Variants in ARHGAP33 observed in about 807,000 individuals in gnomAD.
The protein encoded by ARHGAP33 is Rho GTPase activating protein 33.
ARHGAP33 carries 57 observed loss-of-function variants against 126.2 expected under a neutral mutation model. That is an observed-to-expected ratio of 0.45 (90% CI 0.36 to 0.56). The LOEUF is 0.56. Among genes scored for constraint, ARHGAP33 ranks in the 20% least tolerant of loss-of-function variants. ARHGAP33 has a pLI of 0.00. For synonymous variants in ARHGAP33, 711 were observed against 755.0 expected (o/e 0.94, Z 0.95); for missense variants, 1,500 against 1,748.3 (o/e 0.86, Z 2.53).
intron 5 of ARHGAP33, chr19:35,778,809 G>T: frequency 1.1e-6 from 1 of 898,782 alleles, no homozygotes; most frequent in Non-Finnish European, 1.6e-6. Flanking sequence ...GAGTTCCAGG[G>T]GGTCCCATGG....
chr19:35,787,302 G>C lies in ARHGAP33; in HGVS notation c.2737G>C (p.Glu913Gln). The C allele has an allele frequency of 6.2e-7, 1 of 1,612,474 alleles. No individual in the cohort carries two copies. The highest frequency in any genetic ancestry group is 8.5e-7 in the Non-Finnish European group (1 of 1,179,468). Reference protein sequence around the residue: ...ALAERAQQVAEQQSQQECGGT... With the variant: ...ALAERAQQVAQQQSQQECGGT... ...GGCTGAGCGGGCTCAGCAGGTGGCCGAGCAACAGAGCCAGCAGGAGTGTGG... is the reference window on the plus strand; with the variant it reads ...GGCTGAGCGGGCTCAGCAGGTGGCCCAGCAACAGAGCCAGCAGGAGTGTGG... Residue 913 changes from glutamate (E) to glutamine (Q), a missense_variant, in exon 21 of 21, where the codon GAG (glutamate) becomes CAG (glutamine). Transcript: ENST00000007510.
chr19:35,775,635 G>T lies in ARHGAP33; in HGVS notation c.-24G>T. ...GGCGAGCGAGGGGTCGAGCGCGGCC[G>T]GGGCCTGAGGAGGCTACGCGACCAT... On this transcript the variant is annotated 5_prime_UTR_variant, in exon 1 of 21. Coordinates refer to ENST00000007510, the MANE Select transcript of ARHGAP33 (RefSeq NM_001366178.1). The T allele has an allele frequency of 1.3e-6, 2 of 1,528,756 alleles. No individual in the cohort carries two copies. The highest frequency in any genetic ancestry group is 1.7e-6 in the Non-Finnish European group (2 of 1,143,332). The allele number at this position is 1,528,756 out of a possible 1,614,324, so 94.7% of individuals were successfully genotyped here. A position where few individuals can be genotyped will look rare whatever the true frequency, so the allele number is the denominator to read the frequency against.
chr19:35,777,246 C>T (rs1391945075), intron 1 of ARHGAP33, among the ~76,000 whole-genome samples: 2 of 152,128 alleles, frequency 1.3e-5, no homozygotes, highest in African/African-American at 2.4e-5. Context: ...GAAAACGATC[C>T]AGGCTATTGC....
intron 1 of ARHGAP33, among the ~76,000 whole-genome samples, chr19:35,777,034 G>A (rs1372343968): frequency 1.3e-5 from 2 of 151,090 alleles, no homozygotes; most frequent in Non-Finnish European, 3.0e-5. Flanking sequence ...ATGAGAAGAG[G>A]GTGCTTTTTT....
rs764837225 is a variant in ARHGAP33, at chr19:35,778,478, G to C, written c.285G>C (p.Pro95=). The C allele has an allele frequency of 6.8e-6, 11 of 1,614,034 alleles. No individual in the cohort carries two copies. In the Admixed American group the frequency reaches 1.5e-4, roughly 22 times the overall value. The part of the protein sequence containing the change: ...VQVTCQGRSW[P]VLRSYDDFRS... ...TGCTCCCACAGGGCCGTTCCTGGCC[G>C]GTTCTCCGGAGTTACGATGACTTTC... The change falls in exon 5 of 21, where the codon CCG becomes CCC. Residue 95 remains proline (P), a synonymous_variant. Coordinates refer to ENST00000007510, the MANE Select transcript of ARHGAP33 (RefSeq NM_001366178.1).
Position 35,786,112 on chromosome 19 carries a change from C to A in ARHGAP33, c.1943-301C>A. The A allele has an allele frequency of 7.9e-7, 1 of 1,270,952 alleles. No homozygotes were observed. The highest frequency in any genetic ancestry group is 9.9e-7 in the Non-Finnish European group (1 of 1,008,514). The allele number at this position is 1,270,952 out of a possible 1,614,324, so 78.7% of individuals were successfully genotyped here. A position where few individuals can be genotyped will look rare whatever the true frequency, so the allele number is the denominator to read the frequency against. ...CTCTTCTGAGCCACCGCGCCATCCTCACACTCCTGGGGTACTGCCCTCCCA... is the reference window on the plus strand; with the variant it reads ...CTCTTCTGAGCCACCGCGCCATCCTAACACTCCTGGGGTACTGCCCTCCCA... On this transcript the variant is annotated intron_variant, in intron 19 of 20. Coordinates refer to ENST00000007510, the MANE Select transcript of ARHGAP33 (RefSeq NM_001366178.1). This position sits in a 1 kb window ranked among gnomAD's most constrained non-coding sequence, Gnocchi z 7.0.
chr19:35,779,276 G>A, intron 6 of ARHGAP33, 152 bp downstream of exon 6: 1 of 615,380 alleles, frequency 1.6e-6, no homozygotes, highest in Non-Finnish European at 2.9e-6. Flanking sequence ...GCGCATGCCT[G>A]TGAGAGAATG....
intron 15 of ARHGAP33, 149 bp downstream of exon 15, chr19:35,783,018 A>G: frequency 1.5e-6 from 1 of 655,992 alleles, no homozygotes; most frequent in South Asian, 1.9e-5. Context: ...CTGGGGACCC[A>G]GCACTGAGCA....
chr19:35,786,828 C>T lies in ARHGAP33; in HGVS notation c.2358C>T (p.Ser786=). The T allele has an allele frequency of 6.4e-7, 1 of 1,554,092 alleles. No individual in the cohort carries two copies. The highest frequency in any genetic ancestry group is 1.2e-5 in the South Asian group (1 of 85,390). ...PQAISPRGPT[S]PASPAALDIS... ...CCATCTCGCCCCGGGGGCCCACCAG[C>T]CCCGCCTCGCCTGCTGCCCTAGACA... The change falls in exon 20 of 21, where the codon AGC becomes AGT. Residue 786 remains serine, a synonymous_variant. Transcript: ENST00000007510. This position sits in a 1 kb window ranked among gnomAD's most constrained non-coding sequence, Gnocchi z 7.0.
At position 35,785,689 on chromosome 19, in the gene ARHGAP33, T is replaced by A. The variant is rs1321740507; in HGVS notation, c.1942+206T>A. 7 of 1,420,158 alleles carry A rather than the reference T, an allele frequency of 4.9e-6. No individual in the cohort carries two copies. The East Asian group carries it at 1.8e-4, about 37-fold the overall frequency. 88.0% of individuals were successfully genotyped at this position (1,420,158 alleles called of 1,614,324 possible). Reference sequence around the variant, plus strand: ...ACACTGAACTTAACTTACTCATTGGTCCATGACGGGCCCTTTAAAAGTCTT... The same window carrying A: ...ACACTGAACTTAACTTACTCATTGGACCATGACGGGCCCTTTAAAAGTCTT... On this transcript the variant is annotated intron_variant, in intron 19 of 20. Transcript: ENST00000007510.
rs746175429 is a variant in ARHGAP33, at chr19:35,782,376, C to T, written c.1089C>T (p.His363=). Residue 363 remains histidine, a synonymous_variant, in exon 13 of 21, where the codon CAC becomes CAT. Transcript: ENST00000007510. The surrounding 1 kb of genome is among the most constrained non-coding windows in gnomAD (Gnocchi z 4.1). The part of the protein sequence containing the change: ...GVSSNIQRLR[H]EFDSERIPEL... ...CTCCTTGACACGGTGGTCTCAGGCA[C>T]GAGTTTGACAGTGAGAGGATCCCGG... 1.1e-5 allele frequency: 18 copies of T among 1,600,700 alleles called. No individual in the cohort carries two copies. The African/African-American group carries it at 1.6e-4, about 14-fold the overall frequency.
In ARHGAP33 at chr19:35,784,935, C is replaced by G. The variant is rs1375046764; in HGVS notation, c.1568-18C>G. On this transcript the variant is annotated intron_variant, in intron 16 of 20. Transcript: ENST00000007510. ...GCGGCCCCAGAGCTGACAGCTGCCC[C>G]CTTTCCACACTCCCCAGGCCGCTGC... is the stretch of plus-strand genomic sequence containing the variant. 1 of 1,531,132 alleles carries G rather than the reference C, an allele frequency of 6.5e-7. No individual in the cohort carries two copies. Among genetic ancestry groups the G allele is most frequent in the South Asian group, 1.2e-5 (1 of 83,524 alleles). 94.8% of individuals were successfully genotyped at this position (1,531,132 alleles called of 1,614,324 possible).
chr19:35,786,216 G>C lies in ARHGAP33; in HGVS notation c.1943-197G>C. The C allele has an allele frequency of 7.1e-7, 1 of 1,414,682 alleles. No homozygotes were observed. The highest frequency in any genetic ancestry group is 9.2e-7 in the Non-Finnish European group (1 of 1,089,164). The allele number at this position is 1,414,682 out of a possible 1,614,324, so 87.6% of individuals were successfully genotyped here. The stretch of plus-strand genomic sequence containing the variant: ...TGTTGGTCTCGTGCTCACAGCCTGT[G>C]GGGCAGCCACAGGGCCTTCGTGCTT... On this transcript the variant is annotated intron_variant, in intron 19 of 20. Transcript: ENST00000007510. This position sits in a 1 kb window ranked among gnomAD's most constrained non-coding sequence, Gnocchi z 7.0.
In ARHGAP33 at chr19:35,775,601, G is replaced by T; in HGVS notation, c.-58G>T. 1 of 1,482,846 alleles carries T rather than the reference G, an allele frequency of 6.7e-7. No individual in the cohort carries two copies. Among genetic ancestry groups the T allele is most frequent in the Admixed American group, 2.4e-5 (1 of 41,672 alleles). The allele number at this position is 1,482,846 out of a possible 1,614,324, so 91.9% of individuals were successfully genotyped here. On this transcript the variant is annotated 5_prime_UTR_variant, in exon 1 of 21. Transcript: ENST00000007510. ...GTGTCGCCATGGCGGCGGCAGCGGC[G>T]ACGAGAACGGCGAGCGAGGGGTCGA...
rs770396350 is a variant in ARHGAP33, at chr19:35,788,152, G to A, written c.3587G>A (p.Arg1196His). ...TCCCCTCCTGCCCACCCCCGAAGCC[G>A]TTCAGATCCCGGTCCCCCAGTCCCC... is the stretch of plus-strand genomic sequence containing the variant. Reference protein sequence around the residue: ...SSSPPAHPRSRSDPGPPVPRL... With the variant: ...SSSPPAHPRSHSDPGPPVPRL... Residue 1196 changes from arginine to histidine, a missense_variant, in exon 21 of 21, where the codon CGT (arginine) becomes CAT (histidine). By Grantham distance (29) the Arg-to-His change is conservative (BLOSUM62 0). This residue lies in a region of ARHGAP33 where 642 missense variants were observed against 634.0 expected (regional missense o/e 1.01). Coordinates refer to ENST00000007510, the MANE Select transcript of ARHGAP33 (RefSeq NM_001366178.1). 1.2e-5 allele frequency: 18 copies of A among 1,499,618 alleles called. No homozygotes were observed. Among genetic ancestry groups the A allele is most frequent in the East Asian group, 2.6e-5 (1 of 39,116 alleles). The allele number at this position is 1,499,618 out of a possible 1,614,324, so 92.9% of individuals were successfully genotyped here.
intron 3 of ARHGAP33, 48 bp from the exon 4 acceptor site, chr19:35,778,232 G>C: frequency 6.2e-7 from 1 of 1,602,736 alleles, no homozygotes. Flanking sequence ...TCCCCAGGAG[G>C]TCAGGACTGG....
rs750993385 is a variant in ARHGAP33 at position 35,786,045 on chromosome 19, G to A, written c.1943-368G>A. ...CTGGGTGCTGCTCTCCGACCTCTGCGGGGGGCTGCTTATCCACCCCACCCA... is the reference window on the plus strand; with the variant it reads ...CTGGGTGCTGCTCTCCGACCTCTGCAGGGGGCTGCTTATCCACCCCACCCA... On this transcript the variant is annotated intron_variant, in intron 19 of 20. Transcript: ENST00000007510. This position sits in a 1 kb window ranked among gnomAD's most constrained non-coding sequence, Gnocchi z 7.0. The A allele has an allele frequency of 8.3e-5, 96 of 1,152,700 alleles. No homozygotes were observed. Among genetic ancestry groups the A allele is most frequent in the Middle Eastern group, 3.6e-4 (1 of 2,760 alleles). 71.4% of individuals were successfully genotyped at this position (1,152,700 alleles called of 1,614,324 possible). A position where few individuals can be genotyped will look rare whatever the true frequency, so the allele number is the denominator to read the frequency against.
Position 35,786,383 on chromosome 19 carries a change from G to C in ARHGAP33, c.1943-30G>C. The C allele has an allele frequency of 1.3e-6, 2 of 1,510,820 alleles. No individual in the cohort carries two copies. Among genetic ancestry groups the C allele is most frequent in the South Asian group, 2.5e-5 (2 of 79,374 alleles). 93.6% of individuals were successfully genotyped at this position (1,510,820 alleles called of 1,614,324 possible). On this transcript the variant is annotated intron_variant, in intron 19 of 20. Coordinates refer to ENST00000007510, the MANE Select transcript of ARHGAP33 (RefSeq NM_001366178.1). The surrounding 1 kb of genome is among the most constrained non-coding windows in gnomAD (Gnocchi z 7.0). ...TGTGGGGCTGTGCGCCCTGTTCTCA[G>C]GGATGGTCTCACTGACCCCACCCCT...
Position 35,786,172 on chromosome 19 carries a change from C to T in ARHGAP33, c.1943-241C>T. 18 of 1,388,016 alleles carry T rather than the reference C, an allele frequency of 1.3e-5. No individual in the cohort carries two copies. In the South Asian group the frequency reaches 2.8e-4, roughly 22 times the overall value. 86.0% of individuals were successfully genotyped at this position (1,388,016 alleles called of 1,614,324 possible). On this transcript the variant is annotated intron_variant, in intron 19 of 20. Transcript: ENST00000007510. The surrounding 1 kb of genome is among the most constrained non-coding windows in gnomAD (Gnocchi z 7.0). ...GAGCCCAGGTGCTGTCCTGCTGGCT[C>T]AGCAGCTGTATGTGAATCTGTTGGT...
Sources: allele counts gnomAD v4.1 joint callset (sites outside exome capture counted in the v4.1 genomes callset), GRCh38; gene constraint gnomAD v4.1.1; regional missense constraint gnomAD v4.1.1; non-coding constraint Gnocchi (gnomAD v3.1); transcripts MANE v1.5; gene names NCBI Gene and HGNC (gene_info 2026-07-23, HGNC 2026-07-21).